CDH2: variants seen among roughly 807,000 people sequenced by gnomAD.
The protein encoded by CDH2 is cadherin 2, also known as cadherin-2.
Under a neutral mutation model 92.0 loss-of-function variants are expected in CDH2, and 17 were observed. The ratio of observed to expected loss-of-function variants is 0.18; its 90% CI spans 0.13 to 0.28. CDH2 has a LOEUF of 0.28. Ranked by LOEUF, CDH2 falls within the 10% of genes least tolerant of loss-of-function variation. The pLI, the probability that CDH2 is intolerant of heterozygous loss-of-function variation, is 1.00. For missense variants in CDH2, 862 were observed against 1,133.1 expected, an observed-to-expected ratio of 0.76 and a Z score of 3.44; for synonymous variants, 419 against 415.9, an observed-to-expected ratio of 1.01 and a Z score of -0.09.
chr18:28,116,700 T>C (rs1029311675), intron 2 of CDH2, among the ~76,000 whole-genome samples: 8 of 152,176 alleles, frequency 5.3e-5, no homozygotes. Context: ...CTGTTTGTCT[T>C]TGATCTTGAG....
intron 2 of CDH2, among the ~76,000 whole-genome samples, chr18:28,018,745 T>C (rs969634944): frequency 7.9e-5 from 12 of 151,936 alleles, no homozygotes; most frequent in African/African-American, 2.7e-4. Context: ...ATAATGACTA[T>C]GAAAAGGAGT....
chr18:28,067,955 T>C (rs1043594854), intron 2 of CDH2, among the ~76,000 whole-genome samples: 1 of 152,202 alleles, frequency 6.6e-6, no homozygotes, highest in Non-Finnish European at 1.5e-5. Context: ...GAAACTGATG[T>C]TTATAATGCA....
chr18:28,018,873 T>TTA (rs56721321), intron 2 of CDH2, among the ~76,000 whole-genome samples: 25,844 of 146,106 alleles, frequency 0.18, 2,363 homozygotes, highest in East Asian at 0.29. Flanking sequence ...GCACACACGT[T>TTA]TATATATATA....
At chr18:28,015,683 G>C (rs528595831) in intron 2 of CDH2, among the ~76,000 whole-genome samples, 1 of 152,170 alleles carries the variant, frequency 6.6e-6, no homozygotes, top group East Asian at 1.9e-4. Context: ...TGTTAACTGT[G>C]ATCACTCTAG....
At chr18:27,991,508 T>A (rs1214215250) in intron 9 of CDH2, among the ~76,000 whole-genome samples, 1 of 152,238 alleles carries the variant, frequency 6.6e-6, no homozygotes, top group Non-Finnish European at 1.5e-5. Flanking sequence ...CTTCCCCTGA[T>A]GTAACATTTA....
chr18:27,945,571 C>G (rs1242677919), intron 6 of CDH2, among the ~76,000 whole-genome samples: 2 of 151,848 alleles, frequency 1.3e-5, no homozygotes, highest in Non-Finnish European at 2.9e-5. Context: ...ACTTTTAAAT[C>G]AAAACATAAA....
chr18:28,153,591 A>G (rs571668105), intron 1 of CDH2, among the ~76,000 whole-genome samples: 3 of 152,204 alleles, frequency 2.0e-5, no homozygotes, highest in Non-Finnish European at 4.4e-5. Flanking sequence ...AGAAGAGCAG[A>G]GTGACTGCAG....
chr18:28,024,904 G>T (rs1567969079), intron 2 of CDH2, among the ~76,000 whole-genome samples: 2 of 151,898 alleles, frequency 1.3e-5, no homozygotes, highest in South Asian at 4.2e-4. Flanking sequence ...AAAAGGGAGG[G>T]AAGACAGAAT....
At position 28,012,036 on chromosome 18, in the gene CDH2, A is replaced by G. The variant is rs545859035; in HGVS notation, c.400-44T>C. On this transcript the variant is annotated intron_variant, in intron 3 of 15. Coordinates refer to ENST00000269141, the MANE Select transcript of CDH2 (RefSeq NM_001792.5). ...GACATTCCTGAGTACTAGGAAACACATTTTCTGAAAGTACATCAATATTAT... is the reference window on the plus strand; with the variant it reads ...GACATTCCTGAGTACTAGGAAACACGTTTTCTGAAAGTACATCAATATTAT... 3.3e-6 allele frequency: 5 copies of G among 1,529,220 alleles called. No individual in the cohort carries two copies. The South Asian group carries it at 5.9e-5, about 18-fold the overall frequency. 94.7% of individuals were successfully genotyped at this position (1,529,220 alleles called of 1,614,324 possible).
chr18:27,941,124 C>T (rs1187223305), intron 6 of CDH2, among the ~76,000 whole-genome samples: 2 of 151,110 alleles, frequency 1.3e-5, no homozygotes, highest in Non-Finnish European at 2.9e-5. Flanking sequence ...CAAGCTCTGC[C>T]TCCCGGGTTC....
chr18:27,962,229 T>C (rs540755012), intron 15 of CDH2, among the ~76,000 whole-genome samples: 3 of 152,328 alleles, frequency 2.0e-5, no homozygotes, highest in Admixed American at 1.3e-4. Flanking sequence ...CATTCTGTTG[T>C]TTTTGCTTTC....
At position 27,943,185 on chromosome 18, in the gene CDH2, G is replaced by A. The variant is rs142714253; in HGVS notation, c.1152-10061C>T. On this transcript the variant is annotated intron_variant, in intron 6 of 6. Transcript: ENST00000675173. The stretch of plus-strand genomic sequence containing the variant: ...CCTATGTGGTTCAACTAATACACAC[G>A]TGGTACTATGCAAAAGAGCCACTCT... Among the ~76,000 whole-genome samples, 722 of 152,246 alleles carry A rather than the reference G, an allele frequency of 4.7e-3. 9 individuals are homozygous for A. The highest frequency in any genetic ancestry group is 5.9e-3 in the Non-Finnish European group (404 of 68,008).
intron 2 of CDH2, among the ~76,000 whole-genome samples, chr18:28,024,426 A>T (rs2013495346): frequency 6.7e-6 from 1 of 150,230 alleles, no homozygotes; most frequent in Non-Finnish European, 1.5e-5. Flanking sequence ...TCTATTTGTT[A>T]ATAATATAAA....
At chr18:27,997,088 A>G (rs2012607930) in intron 7 of CDH2, among the ~76,000 whole-genome samples, 1 of 152,264 alleles carries the variant, frequency 6.6e-6, no homozygotes, top group Non-Finnish European at 1.5e-5. Context: ...GACAGTAAAA[A>G]ATAAACATGA....
chr18:28,018,557 A>G (rs2013318376), intron 2 of CDH2, among the ~76,000 whole-genome samples: 1 of 152,072 alleles, frequency 6.6e-6, no homozygotes, highest in African/African-American at 2.4e-5. Flanking sequence ...GACCAATGGA[A>G]CAGAAATGTA....
chr18:28,126,737 G>A (rs984507347), intron 2 of CDH2, among the ~76,000 whole-genome samples: 2 of 152,168 alleles, frequency 1.3e-5, no homozygotes, highest in African/African-American at 4.8e-5. Flanking sequence ...AGGGTGCTGT[G>A]CTTGACACAG....
At chr18:28,152,222 T>TAA (rs1308578816) in intron 1 of CDH2, among the ~76,000 whole-genome samples, 5 of 152,078 alleles carry the variant, frequency 3.3e-5, no homozygotes, top group Non-Finnish European at 7.4e-5. Context: ...CACACAGAGG[T>TAA]ACAGTGAAAT....
intron 14 of CDH2, among the ~76,000 whole-genome samples, chr18:27,970,857 A>C (rs1324911250): frequency 6.6e-6 from 1 of 152,222 alleles, no homozygotes; most frequent in Non-Finnish European, 1.5e-5. Flanking sequence ...CATAGATAAC[A>C]CATAAAAAAT....
At chr18:28,155,289 G>A (rs558782810) in intron 1 of CDH2, among the ~76,000 whole-genome samples, 43 of 152,152 alleles carry the variant, frequency 2.8e-4, no homozygotes, top group South Asian at 1.2e-3. Context: ...AATAATAATA[G>A]CTAAAGTACA....
Sources: allele counts gnomAD v4.1 joint callset (sites outside exome capture counted in the v4.1 genomes callset), GRCh38; gene constraint gnomAD v4.1.1; transcripts MANE v1.5; gene names NCBI Gene and HGNC (gene_info 2026-07-23, HGNC 2026-07-21).